Variants in MRPS15 observed in about 807,000 individuals in gnomAD.
The protein encoded by MRPS15 is mitochondrial ribosomal protein S15, also known as small ribosomal subunit protein uS15m.
In MRPS15, 25 loss-of-function variants were observed where a neutral mutation model predicts 30.7. The observed-to-expected ratio is 0.81, with a 90% CI of 0.59 to 1.14. The LOEUF (loss-of-function observed/expected upper bound fraction) is 1.14, where lower values mean the gene tolerates loss of function less well. Ranked by LOEUF, MRPS15 falls within the 50% of genes most tolerant of loss-of-function variation. MRPS15 has a pLI of 0.00. For synonymous variants in MRPS15, 124 were observed against 120.1 expected, an observed-to-expected ratio of 1.03 and a Z score of -0.21; for missense variants, 313 against 321.7, an observed-to-expected ratio of 0.97 and a Z score of 0.21.
At position 36,458,291 on chromosome 1, in the gene MRPS15, C is replaced by T. The variant is rs1650034099; in HGVS notation, c.386-310G>A. ...TTGCCCAGGCTGGAGTGCAGTGGTG[C>T]GATCTCGGCTCACCGCAGCCTCTGC... On this transcript the variant is annotated intron_variant, in intron 5 of 7. Transcript: ENST00000373116. The surrounding 1 kb of genome is among the most constrained non-coding windows in gnomAD (Gnocchi z 4.5). 1 of 240,788 alleles carries T rather than the reference C, an allele frequency of 4.2e-6. No individual in the cohort carries two copies. The allele number at this position is 240,788 out of a possible 1,614,324, so 14.9% of individuals were successfully genotyped here.
Position 36,464,283 on chromosome 1 carries a change from T to C in MRPS15, c.-8A>G. The C allele has an allele frequency of 6.2e-7, 1 of 1,604,264 alleles. No homozygotes were observed. Among genetic ancestry groups the C allele is most frequent in the South Asian group, 1.1e-5 (1 of 90,244 alleles). On this transcript the variant is annotated 5_prime_UTR_variant, in exon 1 of 8. Transcript: ENST00000373116. Reference sequence around the variant, plus strand: ...CCACGCGACCCTCAGCATGGTGACCTCTAACCCCCGCGGGGCCCGCGCCGC... The same window carrying C: ...CCACGCGACCCTCAGCATGGTGACCCCTAACCCCCGCGGGGCCCGCGCCGC...
chr1:36,461,274 A>G lies in MRPS15; in HGVS notation c.290T>C (p.Met97Thr). The change falls in exon 4 of 8, where the codon ATG (methionine) becomes ACG (threonine). Residue 97 changes from methionine to threonine, a missense_variant. Coordinates refer to ENST00000373116, the MANE Select transcript of MRPS15 (RefSeq NM_031280.4). ...DVVKRLLSLEMANKKEMLKIK... is the reference protein window; with the variant it reads ...DVVKRLLSLETANKKEMLKIK... ...GCAGAGGCTGCTCACCTTGTTGGCC[A>G]TTTCCAAAGACAAGAGTCTTTTCAC... 1.2e-6 allele frequency: 2 copies of G among 1,614,230 alleles called. No homozygotes were observed. The highest frequency in any genetic ancestry group is 1.7e-6 in the Non-Finnish European group (2 of 1,180,036).
rs552121902 is a variant in MRPS15 at position 36,455,969 on chromosome 1, A to G, written c.637-44T>C. Reference sequence around the variant, plus strand: ...AGAAAAAGACCTTGTAATCCTGTGCAAAACCTCAGACTTGGAACAAGTGGG... The same window carrying G: ...AGAAAAAGACCTTGTAATCCTGTGCGAAACCTCAGACTTGGAACAAGTGGG... On this transcript the variant is annotated intron_variant, in intron 7 of 7. Coordinates refer to ENST00000373116, the MANE Select transcript of MRPS15 (RefSeq NM_031280.4). 51 of 1,597,190 alleles carry G rather than the reference A, an allele frequency of 3.2e-5. 1 individual carries two copies. The East Asian group carries it at 1.1e-3, about 36-fold the overall frequency.
At chr1:36,462,360 T>G (rs371122391) in intron 2 of MRPS15, among the ~76,000 whole-genome samples, 197 bp from the exon 3 acceptor site, 1 of 152,094 alleles carries the variant, frequency 6.6e-6, no homozygotes, top group Non-Finnish European at 1.5e-5. Context: ...ATGTTGCGAG[T>G]AGGTGGCTTT....
At position 36,458,980 on chromosome 1, in the gene MRPS15, T is replaced by C. The variant is rs1370207426; in HGVS notation, c.386-999A>G. 6.6e-6 allele frequency: 1 copy of C among 152,238 alleles called. No individual in the cohort carries two copies. Among genetic ancestry groups the C allele is most frequent in the Non-Finnish European group, 1.5e-5 (1 of 68,090 alleles). 9.4% of individuals were successfully genotyped at this position (152,238 alleles called of 1,614,324 possible). A position where few individuals can be genotyped will look rare whatever the true frequency, so the allele number is the denominator to read the frequency against. On this transcript the variant is annotated intron_variant, in intron 5 of 7. Transcript: ENST00000373116. The surrounding 1 kb of genome is among the most constrained non-coding windows in gnomAD (Gnocchi z 4.5). ...ACCACATGGCTCCATCACAGCAACT[T>C]AGGTGTAGAGTGGAACAACACAGAA...
chr1:36,462,028 C>A lies in MRPS15; in HGVS notation c.251+60G>T. 7 of 1,434,468 alleles carry A rather than the reference C, an allele frequency of 4.9e-6. No individual in the cohort carries two copies. The South Asian group carries it at 8.2e-5, about 17-fold the overall frequency. The allele number at this position is 1,434,468 out of a possible 1,614,324, so 88.9% of individuals were successfully genotyped here. A position where few individuals can be genotyped will look rare whatever the true frequency, so the allele number is the denominator to read the frequency against. ...AAGTCTCAAAGCCACTGTCTTTCCC[C>A]ACTCCCCGACAATCCTCCCAGGGCC... On this transcript the variant is annotated intron_variant, in intron 3 of 7. Coordinates refer to ENST00000373116, the MANE Select transcript of MRPS15 (RefSeq NM_031280.4).
chr1:36,460,908 C>T (rs1650084781), intron 4 of MRPS15, 132 bp from the exon 5 acceptor site: 2 of 745,742 alleles, frequency 2.7e-6, no homozygotes, highest in African/African-American at 3.5e-5. Context: ...CTTCACTCTG[C>T]TCACTGTGGC....
At position 36,463,760 on chromosome 1, in the gene MRPS15, CAGG is replaced by C. The variant is rs1459397910; in HGVS notation, c.175+43_175+45del. On this transcript the variant is annotated intron_variant, in intron 2 of 7. Coordinates refer to ENST00000373116, the MANE Select transcript of MRPS15 (RefSeq NM_031280.4). Reference sequence around the variant, plus strand: ...GGTCCCCTTACCCACCCCAGCCTTCCAGGAGGTCTCTCTTCCGCCCCAAGTCCC... The same window carrying C: ...GGTCCCCTTACCCACCCCAGCCTTCCAGGTCTCTCTTCCGCCCCAAGTCCC... 3.1e-6 allele frequency: 5 copies of C among 1,589,270 alleles called. No homozygotes were observed. The East Asian group carries it at 1.1e-4, about 36-fold the overall frequency.
intron 3 of MRPS15, 63 bp downstream of exon 3, chr1:36,462,025 C>A: frequency 7.1e-7 from 1 of 1,414,194 alleles, no homozygotes; most frequent in Non-Finnish European, 9.9e-7. Context: ...CACTGTCTTT[C>A]CCCACTCCCC....
At chr1:36,457,874 T>G (rs921154321) in intron 6 of MRPS15, 49 bp downstream of exon 6, 1 of 1,587,512 alleles carries the variant, frequency 6.3e-7, no homozygotes, top group Non-Finnish European at 8.7e-7. Context: ...TCCGGACCCC[T>G]TTCCCCCAGG....
At position 36,457,996 on chromosome 1, in the gene MRPS15, C is replaced by T. The variant is rs565146450; in HGVS notation, c.386-15G>A. On this transcript the variant is annotated splice_polypyrimidine_tract_variant and intron_variant, in intron 5 of 7. Transcript: ENST00000373116. ...CAAGGCAATAACTGAAACCACAAAC[C>T]ACAGAGGATGAGAGTTGGGCACAGA... The T allele has an allele frequency of 6.2e-7, 1 of 1,613,826 alleles. No individual in the cohort carries two copies. The highest frequency in any genetic ancestry group is 1.1e-5 in the South Asian group (1 of 91,082).
At chr1:36,456,123 C>T in intron 7 of MRPS15, 64 bp downstream of exon 7, 4 of 1,533,884 alleles carry the variant, frequency 2.6e-6, no homozygotes, top group Non-Finnish European at 3.5e-6. Context: ...ATGATCCCTC[C>T]CTTCTGCTTC....
rs1179771770 is a variant in MRPS15 at position 36,455,870 on chromosome 1, G to A, written c.692C>T (p.Ala231Val). The A allele has an allele frequency of 4.3e-6, 7 of 1,614,024 alleles. No homozygotes were observed. Among genetic ancestry groups the A allele is most frequent in the South Asian group, 1.1e-5 (1 of 91,090 alleles). The part of the protein sequence containing the change: ...KKRRRALKAA[A>V]AAQKQAKRRN... ...CCGCTTTGCTTGTTTTTGGGCTGCT[G>A]CTGCAGCCTTTAAGGCTCTTCTTCG... is the stretch of plus-strand genomic sequence containing the variant. Residue 231 changes from alanine (A) to valine (V), a missense_variant, in exon 8 of 8, where the codon GCA becomes GTA. Ala to Val is a moderately conservative substitution (Grantham distance 64, BLOSUM62 0). Transcript: ENST00000373116.
At chr1:36,463,776 C>A in intron 2 of MRPS15, 30 bp downstream of exon 2, 1 of 1,602,446 alleles carries the variant, frequency 6.2e-7, no homozygotes, top group Non-Finnish European at 8.5e-7. Flanking sequence ...GTCTCTCTTC[C>A]GCCCCAAGTC....
chr1:36,458,043 G>C lies in MRPS15; in HGVS notation c.386-62C>G. On this transcript the variant is annotated intron_variant, in intron 5 of 7. Transcript: ENST00000373116. This position sits in a 1 kb window ranked among gnomAD's most constrained non-coding sequence, Gnocchi z 4.5. Reference sequence around the variant, plus strand: ...CAGAGGAAGGAAGGGCCCAGGCCTGGTTTACGTTTTAAGAACTCAAGGAAT... The same window carrying C: ...CAGAGGAAGGAAGGGCCCAGGCCTGCTTTACGTTTTAAGAACTCAAGGAAT... 1 of 1,450,196 alleles carries C rather than the reference G, an allele frequency of 6.9e-7. No individual in the cohort carries two copies. The highest frequency in any genetic ancestry group is 9.7e-7 in the Non-Finnish European group (1 of 1,030,572). The allele number at this position is 1,450,196 out of a possible 1,614,324, so 89.8% of individuals were successfully genotyped here.
Position 36,460,784 on chromosome 1 carries a change from A to G in MRPS15, c.301-8T>C. The G allele has an allele frequency of 1.2e-6, 2 of 1,610,674 alleles. No individual in the cohort carries two copies. The highest frequency in any genetic ancestry group is 4.5e-5 in the East Asian group (2 of 44,860). On this transcript the variant is annotated splice_region_variant and splice_polypyrimidine_tract_variant and intron_variant, in intron 4 of 7. Coordinates refer to ENST00000373116, the MANE Select transcript of MRPS15 (RefSeq NM_031280.4). ...GATTTTTAGCATCTCCTTCTGTTGAAGACAGAGACAGAGAAAATCTGTGGA... is the reference window on the plus strand; with the variant it reads ...GATTTTTAGCATCTCCTTCTGTTGAGGACAGAGACAGAGAAAATCTGTGGA...
chr1:36,458,087 G>A lies in MRPS15; in HGVS notation c.386-106C>T. 1 of 879,524 alleles carries A rather than the reference G, an allele frequency of 1.1e-6. No homozygotes were observed. The highest frequency in any genetic ancestry group is 2.5e-5 in the East Asian group (1 of 40,482). The allele number at this position is 879,524 out of a possible 1,614,324, so 54.5% of individuals were successfully genotyped here. A position where few individuals can be genotyped will look rare whatever the true frequency, so the allele number is the denominator to read the frequency against. ...AAGGAATAACAATCACCAATGCTCT[G>A]TACAGCTCTCTATAAATCCCAAATC... On this transcript the variant is annotated intron_variant, in intron 5 of 7. Transcript: ENST00000373116. The surrounding 1 kb of genome is among the most constrained non-coding windows in gnomAD (Gnocchi z 4.5).
chr1:36,461,985 C>T lies in MRPS15; in HGVS notation c.251+103G>A. 4.9e-6 allele frequency: 5 copies of T among 1,027,564 alleles called. No homozygotes were observed. The South Asian group carries it at 6.0e-5, about 12-fold the overall frequency. 63.7% of individuals were successfully genotyped at this position (1,027,564 alleles called of 1,614,324 possible). ...GGCCCCTGCCTCCTTCTAGATCAAG[C>T]TTCAGCTACAGCAAGCCAAGTCTCA... On this transcript the variant is annotated intron_variant, in intron 3 of 7. Transcript: ENST00000373116.
At chr1:36,462,000 G>T in intron 3 of MRPS15, 88 bp downstream of exon 3, 2 of 1,160,636 alleles carry the variant, frequency 1.7e-6, no homozygotes, top group Non-Finnish European at 2.5e-6. Flanking sequence ...GCTACAGCAA[G>T]CCAAGTCTCA....
Sources: gnomAD v4.1 joint callset for allele counts (sites outside exome capture counted in the v4.1 genomes callset) on GRCh38, gnomAD v4.1.1 for gene constraint, Gnocchi (gnomAD v3.1) non-coding constraint, MANE v1.5 for transcripts, NCBI Gene and HGNC (gene_info 2026-07-23, HGNC 2026-07-21) for gene names.